ANK3: variants seen among roughly 807,000 people sequenced by gnomAD.
The protein encoded by ANK3 is ankyrin-3.
ANK3 carries 57 observed loss-of-function variants against 370.9 expected under a neutral mutation model. The observed-to-expected ratio is 0.15, with a 90% CI of 0.12 to 0.19. The LOEUF (loss-of-function observed/expected upper bound fraction) is 0.19. ANK3 is among the 10% of genes least tolerant of loss of function. ANK3 has a pLI of 1.00. For synonymous variants in ANK3, 1,929 were observed against 1,946.3 expected (o/e 0.99, Z 0.23); for missense variants, 4,439 against 5,302.1 (o/e 0.84, Z 5.06).
chr10:60,331,265 TAA>T (rs5785437), intron 1 of ANK3, among the ~76,000 whole-genome samples: 36 of 151,368 alleles, frequency 2.4e-4, no homozygotes, highest in African/African-American at 6.1e-4. Context: ...TAAAGTATAA[TAA>T]AAAAAAATCA....
At chr10:60,379,434 C>T (rs967754665) in intron 1 of ANK3, among the ~76,000 whole-genome samples, 1 of 151,814 alleles carries the variant, frequency 6.6e-6, no homozygotes, top group African/African-American at 2.4e-5. Context: ...TTTTGCAGCA[C>T]GATTCACAAT....
chr10:60,057,739 G>C (rs1453584522), intron 41 of ANK3, among the ~76,000 whole-genome samples: 1 of 152,126 alleles, frequency 6.6e-6, no homozygotes, highest in Middle Eastern at 3.2e-3. Flanking sequence ...TATAAAACAA[G>C]GAATTTCAGC....
chr10:60,329,820 A>G (rs1195556854), intron 1 of ANK3, among the ~76,000 whole-genome samples: 3 of 152,226 alleles, frequency 2.0e-5, no homozygotes, highest in Non-Finnish European at 2.9e-5. Flanking sequence ...AAGAGCCTGT[A>G]TAGCCAAGAC....
chr10:60,586,978 T>C (rs1389531112), intron 2 of ANK3, among the ~76,000 whole-genome samples: 1 of 152,174 alleles, frequency 6.6e-6, no homozygotes, highest in African/African-American at 2.4e-5. Flanking sequence ...CAAACTGCTA[T>C]ACAGAAATAT....
intron 2 of ANK3, among the ~76,000 whole-genome samples, chr10:60,514,657 A>G (rs2076172001): frequency 6.6e-6 from 1 of 152,130 alleles, no homozygotes; most frequent in South Asian, 2.1e-4. Context: ...TGGCCTATAT[A>G]TATCCCTATC....
chr10:60,139,276 C>G, intron 23 of ANK3, 189 bp from the exon 24 acceptor site: 1 of 568,396 alleles, frequency 1.8e-6, no homozygotes, highest in Non-Finnish European at 2.9e-6. Context: ...TACACAATTT[C>G]AAGAGTGAAT....
intron 2 of ANK3, among the ~76,000 whole-genome samples, chr10:60,460,929 G>GT (rs1710042056): frequency 6.6e-6 from 1 of 152,144 alleles, no homozygotes; most frequent in African/African-American, 2.4e-5. Context: ...AGAAGTTTGA[G>GT]TAATTCTGTT....
intron 43 of ANK3, among the ~76,000 whole-genome samples, chr10:60,039,493 G>A (rs976110114): frequency 6.6e-6 from 1 of 152,218 alleles, no homozygotes; most frequent in Non-Finnish European, 1.5e-5. Flanking sequence ...TCCTTTCACT[G>A]TGTAGAGTAA....
intron 23 of ANK3, among the ~76,000 whole-genome samples, chr10:60,163,112 CT>C (rs1237775423): frequency 2.0e-5 from 3 of 151,812 alleles, no homozygotes; most frequent in African/African-American, 7.3e-5. Context: ...TTTCTTCTTC[CT>C]TCCTTCCTTC....
chr10:60,212,232 G>A (rs978447627), intron 9 of ANK3, among the ~76,000 whole-genome samples: 2 of 152,134 alleles, frequency 1.3e-5, no homozygotes, highest in African/African-American at 4.8e-5. Context: ...CAATTTGAAA[G>A]AGAACAATGG....
rs995746990 is a variant in ANK3 at position 60,074,106 on chromosome 10, C to A, written c.6775G>T (p.Gly2259Cys). ...TTRMVYHSPP[G>C]GEGASERIEE... ...ATTCTTTCAGATGCACCTTCACCGC[C>A]TGGTGGAGAATGATAAACCATTCTG... is the stretch of plus-strand genomic sequence containing the variant. Residue 2259 changes from glycine to cysteine, a missense_variant, in exon 37 of 44, where the codon GGC (glycine) becomes TGC (cysteine). Physicochemically the swap from Gly to Cys is radical, Grantham distance 159 (BLOSUM62 -3). Coordinates refer to ENST00000280772, the MANE Select transcript of ANK3 (RefSeq NM_020987.5). 22 of 1,613,996 alleles carry A rather than the reference C, an allele frequency of 1.4e-5. No homozygotes were observed. The highest frequency in any genetic ancestry group is 1.7e-4 in the Middle Eastern group (1 of 6,054).
At chr10:60,606,319 G>T (rs2078127653) in intron 2 of ANK3, among the ~76,000 whole-genome samples, 2 of 151,838 alleles carry the variant, frequency 1.3e-5, no homozygotes, top group East Asian at 3.9e-4. Context: ...TAATTTAAAA[G>T]TTTTTTATTA....
chr10:60,594,643 T>C (rs773743813), intron 2 of ANK3, among the ~76,000 whole-genome samples: 19 of 152,180 alleles, frequency 1.2e-4, no homozygotes, highest in Admixed American at 3.3e-4. Context: ...AAAAAATATA[T>C]ATAAGAAAAG....
At chr10:60,693,269 C>T (rs971494388) in intron 1 of ANK3, among the ~76,000 whole-genome samples, 3 of 152,230 alleles carry the variant, frequency 2.0e-5, no homozygotes, top group South Asian at 2.1e-4. Flanking sequence ...CACGGAGTCT[C>T]GCTGATTGCT....
At chr10:60,118,128 G>T (rs1233382191) in intron 25 of ANK3, among the ~76,000 whole-genome samples, 1 of 152,192 alleles carries the variant, frequency 6.6e-6, no homozygotes, top group Non-Finnish European at 1.5e-5. Flanking sequence ...TCTCTGGAAA[G>T]CAGAACTTGG....
chr10:60,462,304 T>C (rs760323132), intron 2 of ANK3, among the ~76,000 whole-genome samples: 5 of 152,230 alleles, frequency 3.3e-5, no homozygotes, highest in Admixed American at 3.3e-4. Context: ...GATATTCTGA[T>C]TCTCTACAGA....
intron 16 of ANK3, among the ~76,000 whole-genome samples, chr10:60,194,553 T>C (rs570862840): frequency 1.4e-3 from 211 of 152,378 alleles, no homozygotes; most frequent in Non-Finnish European, 2.2e-3. Context: ...TCAAGATTCC[T>C]CCATGTATTA....
intron 16 of ANK3, among the ~76,000 whole-genome samples, chr10:60,190,233 A>G (rs980268126): frequency 6.6e-6 from 1 of 152,220 alleles, no homozygotes; most frequent in Non-Finnish European, 1.5e-5. Context: ...GAAAAAGGAC[A>G]AAGGATGTGA....
intron 2 of ANK3, among the ~76,000 whole-genome samples, chr10:60,534,027 C>T (rs1278334833): frequency 6.6e-6 from 1 of 152,086 alleles, no homozygotes; most frequent in Non-Finnish European, 1.5e-5. Context: ...TATGACACAA[C>T]CTTTTCACTA....
Sources: allele counts gnomAD v4.1 joint callset (sites outside exome capture counted in the v4.1 genomes callset), GRCh38; gene constraint gnomAD v4.1.1; transcripts MANE v1.5; gene names NCBI Gene and HGNC (gene_info 2026-07-23, HGNC 2026-07-21).